TMEM183A: variants seen among roughly 807,000 people sequenced by gnomAD.
TMEM183A encodes transmembrane protein 183A, also known as chromosome 1 open reading frame 37.
In TMEM183A, 21 loss-of-function variants were observed where a neutral mutation model predicts 46.7. The observed-to-expected ratio is 0.45, with a 90% confidence interval of 0.32 to 0.65. The LOEUF (loss-of-function observed/expected upper bound fraction) is 0.65, where lower values mean the gene tolerates loss of function less well. TMEM183A is among the 30% of genes least tolerant of loss of function. TMEM183A has a pLI of 0.04. For synonymous variants in TMEM183A, 165 were observed against 180.2 expected, an observed-to-expected ratio of 0.92 and a Z score of 0.68; for missense variants, 331 against 481.9, an observed-to-expected ratio of 0.69 and a Z score of 2.93.
At chr1:203,009,086 A>G (rs1458818407) in intron 3 of TMEM183A, among the ~76,000 whole-genome samples, 1 of 152,186 alleles carries the variant, frequency 6.6e-6, no homozygotes, top group Non-Finnish European at 1.5e-5. Context: ...CATTGAGAAC[A>G]TGTTATTATC....
In TMEM183A at chr1:203,012,148, T is replaced by TCTCTCACACACACA. The variant is rs1553249434; in HGVS notation, c.368-2740_368-2739insTCTCACACACACAC. 2.0e-4 allele frequency among the ~76,000 whole-genome samples: 16 copies of TCTCTCACACACACA among 79,468 alleles called. 1 individual carries two copies. In the South Asian group the frequency reaches 3.4e-3, roughly 17 times the overall value. The allele number at this position is 79,468 out of a possible 152,430, so 52.1% of individuals were successfully genotyped here. On this transcript the variant is annotated intron_variant, in intron 3 of 7. Transcript: ENST00000367242. ...ACTTCAACCATTACCCCCCACTCCATCACACACACACACACACACACACAC... is the reference window on the plus strand; with the variant it reads ...ACTTCAACCATTACCCCCCACTCCATCTCTCACACACACACACACACACACACACACACACACAC...
In TMEM183A at chr1:203,022,614, A is replaced by T. The variant is rs144591868; in HGVS notation, c.946-241A>T. The stretch of plus-strand genomic sequence containing the variant: ...GCTACTTGGGAGGCTGAGGCACAAG[A>T]ATCGTTTGATCCCAGGAGGCGGAGG... On this transcript the variant is annotated intron_variant, in intron 7 of 7. Transcript: ENST00000367242. Among the ~76,000 whole-genome samples, 184 of 152,004 alleles carry T rather than the reference A, an allele frequency of 1.2e-3. No individual in the cohort carries two copies. In the Middle Eastern group the frequency reaches 0.027, roughly 22 times the overall value.
chr1:203,012,571 C>T (rs1656767683), intron 3 of TMEM183A, among the ~76,000 whole-genome samples: 1 of 152,168 alleles, frequency 6.6e-6, no homozygotes, highest in Non-Finnish European at 1.5e-5. Flanking sequence ...GATTCTATTT[C>T]CTTCGTTTTG....
intron 1 of TMEM183A, 90 bp downstream of exon 1, chr1:203,007,664 C>G: frequency 3.2e-6 from 5 of 1,540,740 alleles, no homozygotes; most frequent in Admixed American, 2.0e-5. Flanking sequence ...CTCGCGTGCC[C>G]GCGGCTGGAG....
intron 5 of TMEM183A, 150 bp downstream of exon 5, chr1:203,016,290 C>A: frequency 9.0e-7 from 1 of 1,116,572 alleles, no homozygotes; most frequent in Non-Finnish European, 1.3e-6. Flanking sequence ...AGAGATTTCA[C>A]TTCTCCAAGA....
intron 2 of TMEM183A, 124 bp downstream of exon 2, chr1:203,007,987 C>T: frequency 1.7e-6 from 2 of 1,198,620 alleles, no homozygotes; most frequent in South Asian, 3.0e-5. Context: ...TTAGTGTTAA[C>T]TTACATATTG....
chr1:203,015,808 C>T (rs1283128401), intron 4 of TMEM183A, 152 bp from the exon 5 acceptor site: 21 of 931,080 alleles, frequency 2.3e-5, no homozygotes, highest in East Asian at 5.4e-5. Context: ...ACGTAAAAGT[C>T]GCCAAGAGGT....
chr1:203,021,673 C>G (rs1037511891), intron 7 of TMEM183A, among the ~76,000 whole-genome samples: 1 of 152,170 alleles, frequency 6.6e-6, no homozygotes, highest in Non-Finnish European at 1.5e-5. Context: ...GTGACCAGCT[C>G]AGCTCTGTCC....
chr1:203,021,409 A>G (rs867449176), intron 7 of TMEM183A, among the ~76,000 whole-genome samples: 24 of 152,106 alleles, frequency 1.6e-4, no homozygotes, highest in Middle Eastern at 6.8e-3. Flanking sequence ...CTTTTTTCAA[A>G]AAAAAAGTTT....
chr1:203,013,507 T>G lies in TMEM183A; in HGVS notation c.368-1382T>G, dbSNP rs1571609741. On this transcript the variant is annotated intron_variant, in intron 3 of 7. Transcript: ENST00000367242. This position sits in a 1 kb window ranked among gnomAD's most constrained non-coding sequence, Gnocchi z 4.0. Reference sequence around the variant, plus strand: ...TAATGAGTTCTGAAGAAGGAAGAGATAGGGACACTTTTTTTTTTTTTTGAG... The same window carrying G: ...TAATGAGTTCTGAAGAAGGAAGAGAGAGGGACACTTTTTTTTTTTTTTGAG... Among the ~76,000 whole-genome samples the G allele has an allele frequency of 3.3e-5, 5 of 151,916 alleles. No homozygotes were observed. Among genetic ancestry groups the G allele is most frequent in the Admixed American group, 2.6e-4 (4 of 15,256 alleles).
At chr1:203,008,524 C>T in intron 2 of TMEM183A, 119 bp from the exon 3 acceptor site, 4 of 691,398 alleles carry the variant, frequency 5.8e-6, no homozygotes, top group East Asian at 3.9e-5. Context: ...TCTCACCTTT[C>T]TCTCTCAACG....
chr1:203,008,522 T>G, intron 2 of TMEM183A, 121 bp from the exon 3 acceptor site: 1 of 786,588 alleles, frequency 1.3e-6, no homozygotes, highest in Non-Finnish European at 1.7e-6. Context: ...ATTCTCACCT[T>G]TCTCTCTCAA....
intron 7 of TMEM183A, 148 bp downstream of exon 7, chr1:203,021,096 A>G (rs974340939): frequency 2.4e-5 from 22 of 921,556 alleles, no homozygotes; most frequent in Non-Finnish European, 3.4e-5. Flanking sequence ...CAGTGATGGA[A>G]TCATCACTCA....
intron 2 of TMEM183A, 30 bp from the exon 3 acceptor site, chr1:203,008,613 C>G: frequency 6.8e-7 from 1 of 1,473,244 alleles, no homozygotes; most frequent in South Asian, 1.4e-5. Context: ...GAGCTGTGTG[C>G]CATCTCATTC....
At chr1:203,012,955 A>G (rs991557593) in intron 3 of TMEM183A, among the ~76,000 whole-genome samples, 1 of 152,216 alleles carries the variant, frequency 6.6e-6, no homozygotes, top group African/African-American at 2.4e-5. Flanking sequence ...CCTGGGCTCA[A>G]GCCATCCTCC....
chr1:203,012,353 A>G lies in TMEM183A; in HGVS notation c.368-2536A>G, dbSNP rs116919598. On this transcript the variant is annotated intron_variant, in intron 3 of 7. Transcript: ENST00000367242. ...TAGTAGTTATCTTTTTAAAAATACC[A>G]TTATCACATCTAAAAGACTTTAACA... is the stretch of plus-strand genomic sequence containing the variant. Among the ~76,000 whole-genome samples, 1,273 of 151,722 alleles carry G rather than the reference A, an allele frequency of 8.4e-3. 50 individuals are homozygous for G. Among genetic ancestry groups the G allele is most frequent in the Admixed American group, 0.06 (901 of 14,976 alleles).
At position 203,013,260 on chromosome 1, in the gene TMEM183A, G is replaced by A. The variant is rs987200467; in HGVS notation, c.368-1629G>A. Among the ~76,000 whole-genome samples the A allele has an allele frequency of 1.1e-4, 17 of 152,186 alleles. No individual in the cohort carries two copies. The highest frequency in any genetic ancestry group is 1.9e-4 in the Non-Finnish European group (13 of 68,026). On this transcript the variant is annotated intron_variant, in intron 3 of 7. Transcript: ENST00000367242. The surrounding 1 kb of genome is among the most constrained non-coding windows in gnomAD (Gnocchi z 4.0). ...GTAGGAAGCAGTTAGCTAGAAAAGC[G>A]GGGGCAACTTTGGGGAGATGGTGTA...
At chr1:203,019,965 C>A (rs1657510206) in intron 6 of TMEM183A, among the ~76,000 whole-genome samples, 1 of 137,788 alleles carries the variant, frequency 7.3e-6, no homozygotes, top group Non-Finnish European at 1.5e-5. Flanking sequence ...AACCCATAAA[C>A]TCATTACAGA....
chr1:203,015,347 G>T, intron 4 of TMEM183A: 1 of 405,566 alleles, frequency 2.5e-6, no homozygotes, highest in South Asian at 3.4e-5. Context: ...GCTTATTTTA[G>T]CTAGAATGTT....
Sources: allele counts gnomAD v4.1 joint callset (sites outside exome capture counted in the v4.1 genomes callset), GRCh38; gene constraint gnomAD v4.1.1; non-coding constraint Gnocchi (gnomAD v3.1); transcripts MANE v1.5; gene names NCBI Gene and HGNC (gene_info 2026-07-23, HGNC 2026-07-21).